The following PYGB variants were observed in gnomAD, a reference collection of about 807,000 sequenced individuals.
PYGB encodes the protein glycogen phosphorylase, brain form.
In PYGB, 82 loss-of-function variants were observed where a neutral mutation model predicts 94.3. The ratio of observed to expected loss-of-function variants is 0.87; its 90% CI spans 0.73 to 1.04. The LOEUF (loss-of-function observed/expected upper bound fraction) is 1.04, where lower values mean the gene tolerates loss of function less well. PYGB is among the 50% of genes least tolerant of loss of function. The pLI, the probability that PYGB is intolerant of heterozygous loss-of-function variation, is 0.00. For missense variants in PYGB, 1,132 were observed against 1,158.2 expected, an observed-to-expected ratio of 0.98 and a Z score of 0.33; for synonymous variants, 488 against 479.1, an observed-to-expected ratio of 1.02 and a Z score of -0.24.
intron 17 of PYGB, among the ~76,000 whole-genome samples, chr20:25,293,512 C>T (rs903603309): frequency 6.6e-6 from 1 of 152,326 alleles, no homozygotes; most frequent in East Asian, 1.9e-4. Flanking sequence ...TGCCTTGAAG[C>T]ACTGGGGAGC....
intron 2 of PYGB, among the ~76,000 whole-genome samples, chr20:25,264,356 A>G (rs1245771712): frequency 1.3e-5 from 2 of 152,214 alleles, no homozygotes; most frequent in African/African-American, 4.8e-5. Context: ...ATCCCCTTTG[A>G]AAACTGGCAG....
chr20:25,263,312 T>C (rs2092917725), intron 2 of PYGB, among the ~76,000 whole-genome samples: 1 of 152,144 alleles, frequency 6.6e-6, no homozygotes, highest in South Asian at 2.1e-4. Context: ...ATTAAGACAC[T>C]CACTCAAAAC....
chr20:25,292,293 G>T, intron 16 of PYGB, 113 bp from the exon 17 acceptor site: 2 of 1,255,926 alleles, frequency 1.6e-6, no homozygotes, highest in Non-Finnish European at 2.2e-6. Context: ...CACAGCATTG[G>T]TCCCTCCACG....
chr20:25,290,826 C>T (rs1015492542), intron 16 of PYGB, among the ~76,000 whole-genome samples: 4 of 152,176 alleles, frequency 2.6e-5, no homozygotes, highest in African/African-American at 7.2e-5. Flanking sequence ...CCCGGGGCGC[C>T]TTGCATGTCA....
intron 2 of PYGB, among the ~76,000 whole-genome samples, chr20:25,260,893 T>A (rs190429747): frequency 8.7e-4 from 133 of 152,154 alleles, no homozygotes; most frequent in African/African-American, 3.1e-3. Context: ...AGCACAACAG[T>A]ATGAGATTGA....
Position 25,271,574 on chromosome 20 carries a change from C to T in PYGB, c.528+88C>T, listed in dbSNP as rs577559197. 3.0e-5 allele frequency: 42 copies of T among 1,413,468 alleles called. No individual in the cohort carries two copies. The South Asian group carries it at 3.8e-4, about 13-fold the overall frequency. 87.6% of individuals were successfully genotyped at this position (1,413,468 alleles called of 1,614,324 possible). ...CTTGCAGTTTGTCTTTTTATACTTC[C>T]CACGCCCCCGCCAGGGGACTGCAGG... On this transcript the variant is annotated intron_variant, in intron 4 of 19. Transcript: ENST00000216962.
chr20:25,254,028 C>T (rs1300786298), intron 1 of PYGB, among the ~76,000 whole-genome samples: 5 of 150,830 alleles, frequency 3.3e-5, no homozygotes, highest in Admixed American at 6.6e-5. Context: ...GCTGAGATCA[C>T]GCCACTGCAT....
At chr20:25,266,477 C>A (rs949560330) in intron 2 of PYGB, among the ~76,000 whole-genome samples, 4 of 151,936 alleles carry the variant, frequency 2.6e-5, no homozygotes, top group Non-Finnish European at 5.9e-5. Flanking sequence ...ATCTTCATGA[C>A]CTTGGATTAG....
chr20:25,283,151 T>C (rs1283325417), intron 12 of PYGB, 25 bp from the exon 13 acceptor site: 1 of 1,588,038 alleles, frequency 6.3e-7, no homozygotes, highest in South Asian at 1.1e-5. Context: ...AGGCCCACAG[T>C]GAGCGGAACC....
In PYGB at chr20:25,278,324, T is replaced by C. The variant is rs149863046; in HGVS notation, c.861T>C (p.Phe287=). 8.0e-4 allele frequency: 1,298 copies of C among 1,613,944 alleles called. 22 individuals are homozygous for C. The South Asian group carries it at 0.013, about 17-fold the overall frequency. ...SRVLYPNDNF[F]EGKELRLKQE... Reference sequence around the variant, plus strand: ...GCTTGCTCTGCTGTGTGCAGTTCTTTGAGGGGAAGGAGCTGCGGCTGAAGC... The same window carrying C: ...GCTTGCTCTGCTGTGTGCAGTTCTTCGAGGGGAAGGAGCTGCGGCTGAAGC... The change falls in exon 8 of 20, where the codon TTT becomes TTC. Residue 287 remains phenylalanine, a synonymous_variant. Transcript: ENST00000216962.
intron 2 of PYGB, among the ~76,000 whole-genome samples, chr20:25,265,592 ATTTTTTT>A (rs34336965): frequency 2.0e-3 from 236 of 119,640 alleles, no homozygotes; most frequent in African/African-American, 7.0e-3. Flanking sequence ...TTGTTGTTGA[ATTTTTTT>A]TTTTTTTTTT....
intron 16 of PYGB, among the ~76,000 whole-genome samples, chr20:25,291,017 C>T (rs2088462581): frequency 6.6e-6 from 1 of 152,034 alleles, no homozygotes; most frequent in Non-Finnish European, 1.5e-5. Flanking sequence ...CCCTCTCCTC[C>T]TGCCCCTCAG....
intron 18 of PYGB, chr20:25,295,095 G>A (rs1369109027): frequency 2.0e-5 from 30 of 1,487,666 alleles, no homozygotes; most frequent in African/African-American, 2.8e-5. Flanking sequence ...CTTCTGACTC[G>A]ATAGTGAACA....
intron 8 of PYGB, 104 bp downstream of exon 8, chr20:25,278,566 C>T: frequency 1.4e-6 from 2 of 1,439,364 alleles, no homozygotes; most frequent in East Asian, 2.3e-5. Flanking sequence ...TGGAATGGTA[C>T]ATGCCCCTTG....
At chr20:25,262,521 AC>A (rs1205429686) in intron 2 of PYGB, among the ~76,000 whole-genome samples, 2 of 152,200 alleles carry the variant, frequency 1.3e-5, no homozygotes, top group Non-Finnish European at 2.9e-5. Flanking sequence ...CACTGCAAAA[AC>A]ATGCCAAATT....
In PYGB at chr20:25,278,334, G is replaced by A. The variant is rs2088332998; in HGVS notation, c.871G>A (p.Glu291Lys). 6.3e-7 allele frequency: 1 copy of A among 1,579,536 alleles called. No homozygotes were observed. Among genetic ancestry groups the A allele is most frequent in the Non-Finnish European group, 8.6e-7 (1 of 1,167,870 alleles). ...CTGTGTGCAGTTCTTTGAGGGGAAG[G>A]AGCTGCGGCTGAAGCAGGAGTACTT... ...YPNDNFFEGK[E>K]LRLKQEYFVV... is the part of the protein sequence containing the mutation. Residue 291 changes from glutamate to lysine, a missense_variant, in exon 8 of 20, where the codon GAG becomes AAG. Physicochemically the swap from Glu to Lys is moderately conservative, Grantham distance 56. Coordinates refer to ENST00000216962, the MANE Select transcript of PYGB (RefSeq NM_002862.4).
intron 9 of PYGB, 37 bp downstream of exon 9, chr20:25,279,186 C>T (rs776526762): frequency 1.3e-6 from 2 of 1,596,360 alleles, no homozygotes; most frequent in Non-Finnish European, 1.7e-6. Context: ...CTCCCCAGAG[C>T]CTGGAGCCCG....
chr20:25,257,673 A>AT (rs914949584), intron 1 of PYGB, among the ~76,000 whole-genome samples: 2 of 151,842 alleles, frequency 1.3e-5, no homozygotes, highest in Admixed American at 6.6e-5. Flanking sequence ...CTTAAAAAAA[A>AT]ATATACATTT....
chr20:25,288,181 C>T (rs1262393444), intron 14 of PYGB: 1 of 651,006 alleles, frequency 1.5e-6, no homozygotes, highest in Non-Finnish European at 2.8e-6. Flanking sequence ...CCTTCCTCAC[C>T]AGCGGGGAAC....
Sources: gnomAD v4.1 joint callset for allele counts (sites outside exome capture counted in the v4.1 genomes callset) on GRCh38, gnomAD v4.1.1 for gene constraint, MANE v1.5 for transcripts, NCBI Gene and HGNC (gene_info 2026-07-23, HGNC 2026-07-21) for gene names.